GRID2: variants seen among roughly 807,000 people sequenced by gnomAD.
GRID2 encodes the protein glutamate ionotropic receptor delta type subunit 2.
GRID2 carries 33 observed loss-of-function variants against 114.8 expected under a neutral mutation model. The observed-to-expected ratio is 0.29, with a 90% CI of 0.22 to 0.38. The LOEUF (loss-of-function observed/expected upper bound fraction) is 0.38. Among genes scored for constraint, GRID2 ranks in the 10% least tolerant of loss-of-function variants. The probability of loss-of-function intolerance (pLI) is 1.00; values close to 1 mark genes in which losing one functional copy is unlikely to be tolerated. For missense variants in GRID2, 1,184 were observed against 1,257.7 expected (o/e 0.94, Z 0.89); for synonymous variants, 505 against 449.9 (o/e 1.12, Z -1.55).
rs750536307 is a variant in GRID2 at position 93,733,656 on chromosome 4, AGTTTT to A, written c.2361-35538_2361-35534del. ...CAAATCCCAAACATTTCAGTGCTTG[AGTTTT>A]GTTTTGTTTTGTTTTCCCCCAATTT... On this transcript the variant is annotated intron_variant, in intron 14 of 15. Transcript: ENST00000282020. Among the ~76,000 whole-genome samples, 6 of 152,134 alleles carry A rather than the reference AGTTTT, an allele frequency of 3.9e-5. No individual in the cohort carries two copies. In the South Asian group the frequency reaches 6.2e-4, roughly 16 times the overall value.
chr4:93,547,935 G>C (rs1018476716), intron 13 of GRID2, among the ~76,000 whole-genome samples: 3 of 152,158 alleles, frequency 2.0e-5, no homozygotes, highest in African/African-American at 7.2e-5. Flanking sequence ...TCAGCACTTT[G>C]GGAGCCCGAG....
chr4:92,696,152 T>C (rs1734415161), intron 2 of GRID2, among the ~76,000 whole-genome samples: 1 of 152,164 alleles, frequency 6.6e-6, no homozygotes, highest in Admixed American at 6.5e-5. Context: ...AAATCAATTT[T>C]CCTTTTCTTC....
chr4:93,076,275 A>T (rs1398660713), intron 2 of GRID2, among the ~76,000 whole-genome samples: 1 of 152,106 alleles, frequency 6.6e-6, no homozygotes, highest in Non-Finnish European at 1.5e-5. Flanking sequence ...TGGCAGGAAG[A>T]TACAATAGCA....
intron 4 of GRID2, among the ~76,000 whole-genome samples, chr4:93,153,373 G>A (rs1469915647): frequency 1.3e-5 from 2 of 152,070 alleles, no homozygotes; most frequent in South Asian, 2.1e-4. Context: ...GGTAATTTGA[G>A]TACTGATTTT....
chr4:93,717,032 A>G (rs1483193030), intron 14 of GRID2, among the ~76,000 whole-genome samples: 1 of 152,050 alleles, frequency 6.6e-6, no homozygotes. Flanking sequence ...GTGCTTTATC[A>G]GCTTCAATAA....
chr4:93,591,916 T>A (rs1008774538), intron 13 of GRID2, among the ~76,000 whole-genome samples: 3 of 152,186 alleles, frequency 2.0e-5, no homozygotes, highest in African/African-American at 7.2e-5. Flanking sequence ...CCTTTATCAT[T>A]TTTTATTGCG....
At chr4:93,654,807 A>G (rs1722867584) in intron 14 of GRID2, among the ~76,000 whole-genome samples, 1 of 152,134 alleles carries the variant, frequency 6.6e-6, no homozygotes, top group Non-Finnish European at 1.5e-5. Flanking sequence ...TGAGTAAGTG[A>G]GTATCACATA....
chr4:93,725,160 T>G (rs1729742578), intron 14 of GRID2, among the ~76,000 whole-genome samples: 1 of 151,966 alleles, frequency 6.6e-6, no homozygotes, highest in Non-Finnish European at 1.5e-5. Flanking sequence ...CAGTCCCTGG[T>G]GTGTGATGTT....
intron 2 of GRID2, among the ~76,000 whole-genome samples, chr4:93,060,458 A>G (rs6814422): frequency 0.36 from 53,950 of 151,864 alleles, 10,119 homozygotes; most frequent in Middle Eastern, 0.53. Context: ...ATTTGGAATG[A>G]TATGTTTTTC....
At chr4:93,490,591 A>G (rs1262855453) in intron 11 of GRID2, 48 bp from the exon 12 acceptor site, 2 of 1,493,376 alleles carry the variant, frequency 1.3e-6, no homozygotes, top group Non-Finnish European at 1.8e-6. Flanking sequence ...TCAGATCCTC[A>G]ATAAATACTA....
At chr4:93,739,439 G>A (rs546857825) in intron 14 of GRID2, among the ~76,000 whole-genome samples, 2 of 152,064 alleles carry the variant, frequency 1.3e-5, no homozygotes, top group Admixed American at 1.3e-4. Context: ...TCCTCAAACT[G>A]CAGGGCCCAT....
Position 93,403,426 on chromosome 4 carries a change from A to G in GRID2, c.1347+7718A>G, listed in dbSNP as rs141229029. 5.9e-5 allele frequency among the ~76,000 whole-genome samples: 9 copies of G among 152,266 alleles called. No individual in the cohort carries two copies. In the East Asian group the frequency reaches 1.5e-3, roughly 26 times the overall value. On this transcript the variant is annotated intron_variant, in intron 9 of 15. Transcript: ENST00000282020. Reference sequence around the variant, plus strand: ...ATGAAAAAGAAATGAACAAAAAACAACACTAACAAAAAAGTTTACATTCTC... The same window carrying G: ...ATGAAAAAGAAATGAACAAAAAACAGCACTAACAAAAAAGTTTACATTCTC...
chr4:93,263,647 T>G (rs941026516), intron 8 of GRID2, among the ~76,000 whole-genome samples: 2 of 152,104 alleles, frequency 1.3e-5, no homozygotes, highest in Non-Finnish European at 2.9e-5. Flanking sequence ...TCATTTGGCT[T>G]ATAATTAGTG....
intron 14 of GRID2, among the ~76,000 whole-genome samples, chr4:93,707,220 A>G (rs1055216686): frequency 6.6e-6 from 1 of 152,112 alleles, no homozygotes; most frequent in African/African-American, 2.4e-5. Flanking sequence ...GTCTCATAGA[A>G]TAAGTTGGGA....
chr4:92,905,322 CTT>C (rs1747862899), intron 2 of GRID2, among the ~76,000 whole-genome samples: 1 of 151,922 alleles, frequency 6.6e-6, no homozygotes, highest in Non-Finnish European at 1.5e-5. Context: ...TTCCTAAAGT[CTT>C]TAACTTCAGC....
At chr4:93,125,121 G>A (rs1337124076) in intron 4 of GRID2, among the ~76,000 whole-genome samples, 2 of 151,924 alleles carry the variant, frequency 1.3e-5, no homozygotes, top group Admixed American at 1.3e-4. Flanking sequence ...TCAGTATGTT[G>A]CTGGATATTC....
intron 2 of GRID2, among the ~76,000 whole-genome samples, chr4:92,617,181 G>A (rs1730043238): frequency 6.6e-6 from 1 of 151,086 alleles, no homozygotes; most frequent in South Asian, 2.1e-4. Flanking sequence ...TTTTGTGTCT[G>A]TGTACCCTTA....
intron 11 of GRID2, among the ~76,000 whole-genome samples, chr4:93,476,573 A>G (rs574209832): frequency 6.6e-6 from 1 of 152,280 alleles, no homozygotes; most frequent in Non-Finnish European, 1.5e-5. Context: ...AAGCCAAACC[A>G]GGAAAGAAAG....
At chr4:92,603,405 C>A (rs1729312722) in intron 2 of GRID2, among the ~76,000 whole-genome samples, 1 of 152,058 alleles carries the variant, frequency 6.6e-6, no homozygotes, top group Admixed American at 6.6e-5. Flanking sequence ...CATCTACAAC[C>A]ATTTGATCTT....
Sources: allele counts gnomAD v4.1 joint callset (sites outside exome capture counted in the v4.1 genomes callset), GRCh38; gene constraint gnomAD v4.1.1; transcripts MANE v1.5; gene names NCBI Gene and HGNC (gene_info 2026-07-23, HGNC 2026-07-21).